The following TENM2 variants were observed in gnomAD, a reference collection of about 807,000 sequenced individuals.
TENM2 encodes teneurin transmembrane protein 2, also known as teneurin-2.
TENM2 carries 52 observed loss-of-function variants against 245.2 expected under a neutral mutation model. The observed-to-expected ratio is 0.21, with a 90% confidence interval of 0.17 to 0.27. The LOEUF (loss-of-function observed/expected upper bound fraction) is 0.27, where lower values mean the gene tolerates loss of function less well. TENM2 is among the 10% of genes least tolerant of loss of function. The pLI, the probability that TENM2 is intolerant of heterozygous loss-of-function variation, is 1.00. For synonymous variants in TENM2, 1,363 were observed against 1,438.9 expected (o/e 0.95, Z 1.19); for missense variants, 3,046 against 3,666.8 (o/e 0.83, Z 4.37).
At chr5:166,999,813 G>T in the TENM2 span, among the ~76,000 whole-genome samples, 1 of 150,590 alleles carries the variant, frequency 6.6e-6, no homozygotes, top group Admixed American at 6.6e-5. Context: ...GAAGCGCAAG[G>T]GAGTGATGTG....
chr5:167,045,155 C>A, the TENM2 span, among the ~76,000 whole-genome samples: 1 of 152,148 alleles, frequency 6.6e-6, no homozygotes, highest in African/African-American at 2.4e-5. Context: ...TGGGTATGGA[C>A]TTATTTGGTG....
chr5:168,001,886 A>C (rs1784441665), intron 5 of TENM2, among the ~76,000 whole-genome samples: 1 of 152,268 alleles, frequency 6.6e-6, no homozygotes, highest in Non-Finnish European at 1.5e-5. Flanking sequence ...TTACCATAAA[A>C]AAGAAGATAA....
chr5:167,509,573 C>T (rs1449055142), intron 2 of TENM2, among the ~76,000 whole-genome samples: 1 of 151,914 alleles, frequency 6.6e-6, no homozygotes, highest in African/African-American at 2.4e-5. Flanking sequence ...TTATTTGTAC[C>T]AATGACACAC....
chr5:167,682,400 CAA>C (rs2150379990), intron 2 of TENM2, among the ~76,000 whole-genome samples: 1 of 151,988 alleles, frequency 6.6e-6, no homozygotes, highest in Admixed American at 6.5e-5. Flanking sequence ...TGACCTTAGG[CAA>C]CCTGCCCGCC....
At chr5:167,127,646 AG>A in the TENM2 span, among the ~76,000 whole-genome samples, 4 of 150,304 alleles carry the variant, frequency 2.7e-5, no homozygotes, top group East Asian at 2.0e-4. Flanking sequence ...AAAAAGGAAA[AG>A]GAAAAAAAAA....
chr5:167,602,433 A>G (rs1776702503), intron 2 of TENM2, among the ~76,000 whole-genome samples: 2 of 152,022 alleles, frequency 1.3e-5, no homozygotes, highest in South Asian at 4.2e-4. Context: ...CATCATCTGT[A>G]TTTTTTTATT....
At chr5:167,805,871 G>A (rs1358210430) in intron 2 of TENM2, among the ~76,000 whole-genome samples, 1 of 152,118 alleles carries the variant, frequency 6.6e-6, no homozygotes, top group African/African-American at 2.4e-5. Flanking sequence ...CTAGTACAGT[G>A]AATAATTGTC....
intron 2 of TENM2, among the ~76,000 whole-genome samples, chr5:167,379,522 C>A (rs541109381): frequency 1.3e-5 from 2 of 152,072 alleles, no homozygotes; most frequent in Non-Finnish European, 2.9e-5. Context: ...AGCATTGGAG[C>A]GTTTCTTAAG....
At chr5:167,007,593 G>T in the TENM2 span, among the ~76,000 whole-genome samples, 1 of 152,010 alleles carries the variant, frequency 6.6e-6, no homozygotes, top group Non-Finnish European at 1.5e-5. The surrounding 1 kb of genome is among the most constrained non-coding windows in gnomAD (Gnocchi z 4.2). Flanking sequence ...ACACTTTATT[G>T]TAGGCTTGAA....
At chr5:167,483,261 C>G (rs539150293) in intron 2 of TENM2, among the ~76,000 whole-genome samples, 1 of 152,278 alleles carries the variant, frequency 6.6e-6, no homozygotes, top group Admixed American at 6.5e-5. Context: ...AGTGATTAGA[C>G]AAAGGATGCT....
chr5:168,085,845 T>C (rs1437514924), intron 7 of TENM2, among the ~76,000 whole-genome samples: 1 of 152,224 alleles, frequency 6.6e-6, no homozygotes, highest in Non-Finnish European at 1.5e-5. Flanking sequence ...GCCACTTCCC[T>C]GCAATCCCAC....
chr5:167,126,875 T>C, the TENM2 span, among the ~76,000 whole-genome samples: 2 of 152,236 alleles, frequency 1.3e-5, no homozygotes, highest in Non-Finnish European at 2.9e-5. Context: ...CTTTTGTGAA[T>C]GGTTGGGCTT....
intron 2 of TENM2, among the ~76,000 whole-genome samples, chr5:167,425,232 G>C (rs892130329): frequency 2.6e-5 from 4 of 152,184 alleles, no homozygotes; most frequent in Non-Finnish European, 5.9e-5. Context: ...CAATTCTCGT[G>C]ACTGATAAAT....
chr5:167,994,213 A>G (rs767338077), intron 5 of TENM2, among the ~76,000 whole-genome samples: 5 of 152,244 alleles, frequency 3.3e-5, no homozygotes, highest in Non-Finnish European at 5.9e-5. Context: ...CCATGTTGCA[A>G]AGCAAACCCA....
chr5:167,986,104 T>C (rs1583574395), intron 4 of TENM2, among the ~76,000 whole-genome samples: 1 of 152,206 alleles, frequency 6.6e-6, no homozygotes, highest in South Asian at 2.1e-4. Context: ...TCAGAGACAA[T>C]GCATGCCCTT....
intron 2 of TENM2, among the ~76,000 whole-genome samples, chr5:167,751,623 G>A (rs572843775): frequency 1.3e-5 from 2 of 152,084 alleles, no homozygotes; most frequent in African/African-American, 4.8e-5. Context: ...AGTGGCCTGA[G>A]GTTTGTTTTG....
chr5:167,766,888 A>T (rs1186691643), intron 2 of TENM2, among the ~76,000 whole-genome samples: 1 of 152,064 alleles, frequency 6.6e-6, no homozygotes, highest in African/African-American at 2.4e-5. Flanking sequence ...CAAAAAAACA[A>T]AAACAAAAAC....
rs138917497 is a variant in TENM2, at chr5:168,220,806, G to A, written c.5108+1807G>A. On this transcript the variant is annotated intron_variant, in intron 23 of 28. Transcript: ENST00000518659. ...ATGAAGAAAACCACACAGAGGCTGTGAGGCTACTAGAAAAGTCTGTCCTGG... is the reference window on the plus strand; with the variant it reads ...ATGAAGAAAACCACACAGAGGCTGTAAGGCTACTAGAAAAGTCTGTCCTGG... 3.0e-4 allele frequency among the ~76,000 whole-genome samples: 45 copies of A among 152,270 alleles called. No homozygotes were observed. In the East Asian group the frequency reaches 8.7e-3, roughly 29 times the overall value.
chr5:167,206,140 C>T, the TENM2 span, among the ~76,000 whole-genome samples: 1 of 152,182 alleles, frequency 6.6e-6, no homozygotes, highest in African/African-American at 2.4e-5. Flanking sequence ...TTGCTTACCA[C>T]AGATCCTTAT....
Sources: allele counts gnomAD v4.1 joint callset (sites outside exome capture counted in the v4.1 genomes callset), GRCh38; gene constraint gnomAD v4.1.1; non-coding constraint Gnocchi (gnomAD v3.1); transcripts MANE v1.5; gene names NCBI Gene and HGNC (gene_info 2026-07-23, HGNC 2026-07-21).